The following PPP2R2B variants were observed in gnomAD, a reference collection of about 807,000 sequenced individuals.
The protein encoded by PPP2R2B is serine/threonine-protein phosphatase 2A 55 kDa regulatory subunit B beta isoform.
Under a neutral mutation model 46.0 loss-of-function variants are expected in PPP2R2B, and 5 were observed. That is an observed-to-expected ratio of 0.11 (90% CI 0.06 to 0.23). PPP2R2B has a LOEUF of 0.23. Ranked by LOEUF, PPP2R2B falls within the 10% of genes least tolerant of loss-of-function variation. PPP2R2B has a pLI of 1.00. For synonymous variants in PPP2R2B, 215 were observed against 206.7 expected (o/e 1.04, Z -0.34); for missense variants, 367 against 575.0 (o/e 0.64, Z 3.70).
At chr5:146,977,839 C>A (rs540443374) in intron 1 of PPP2R2B, among the ~76,000 whole-genome samples, 1 of 152,076 alleles carries the variant, frequency 6.6e-6, no homozygotes, top group Non-Finnish European at 1.5e-5. Flanking sequence ...TAAACATACA[C>A]GTACATGTGT....
chr5:146,653,677 G>A (rs1776136534), intron 5 of PPP2R2B, among the ~76,000 whole-genome samples: 1 of 152,168 alleles, frequency 6.6e-6, no homozygotes, highest in Non-Finnish European at 1.5e-5. Context: ...ATGCAGCCAG[G>A]AACAAGAGGC....
intron 1 of PPP2R2B, among the ~76,000 whole-genome samples, chr5:146,950,702 A>G (rs1028095330): frequency 6.6e-6 from 1 of 152,042 alleles, no homozygotes; most frequent in African/African-American, 2.4e-5. Flanking sequence ...CTAACATCAC[A>G]GGTTGTATGC....
intron 2 of PPP2R2B, among the ~76,000 whole-genome samples, chr5:146,762,774 A>G (rs1754242178): frequency 6.6e-6 from 1 of 152,186 alleles, no homozygotes; most frequent in South Asian, 2.1e-4. Flanking sequence ...AAGTAATTAT[A>G]ATGCAGTGTA....
intron 1 of PPP2R2B, among the ~76,000 whole-genome samples, chr5:146,957,172 G>A (rs1476898239): frequency 6.6e-6 from 1 of 152,198 alleles, no homozygotes; most frequent in Non-Finnish European, 1.5e-5. Context: ...GCCATCTGGA[G>A]CTGTGAGCTT....
rs1755487277 is a variant in PPP2R2B, at chr5:146,781,131, G to GATATATATATACAT, written c.71-79990_71-79989insATGTATATATATAT. ...TCACTTACATACATAATGCCACCAT[G>GATATATATATACAT]ATATATATATATATATATATATATA... On this transcript the variant is annotated intron_variant, in intron 2 of 9. Transcript: ENST00000394411. Among the ~76,000 whole-genome samples, 7 of 49,462 alleles carry GATATATATATACAT rather than the reference G, an allele frequency of 1.4e-4. 1 individual carries two copies. In the Admixed American group the frequency reaches 1.9e-3, roughly 13 times the overall value. 32.4% of individuals were successfully genotyped at this position (49,462 alleles called of 152,430 possible). A position where few individuals can be genotyped will look rare whatever the true frequency, so the allele number is the denominator to read the frequency against.
chr5:146,589,873 G>T lies in PPP2R2B; in HGVS notation c.*74C>A. On this transcript the variant is annotated 3_prime_UTR_variant, in exon 10 of 10. Transcript: ENST00000394411. ...AATTAAAGTCAATGCATCAAATGAA[G>T]ACCCAAAGAAACATTTAAAAACTTG... The T allele has an allele frequency of 1.4e-6, 2 of 1,408,680 alleles. No homozygotes were observed. Among genetic ancestry groups the T allele is most frequent in the South Asian group, 1.3e-5 (1 of 78,214 alleles). The allele number at this position is 1,408,680 out of a possible 1,614,324, so 87.3% of individuals were successfully genotyped here. A position where few individuals can be genotyped will look rare whatever the true frequency, so the allele number is the denominator to read the frequency against.
At chr5:146,745,686 G>C (rs1753145897) in intron 2 of PPP2R2B, among the ~76,000 whole-genome samples, 1 of 152,182 alleles carries the variant, frequency 6.6e-6, no homozygotes, top group African/African-American at 2.4e-5. Flanking sequence ...GCCAGGTGTG[G>C]TGGTGGCTCA....
At chr5:146,872,382 C>T (rs943436970) in intron 2 of PPP2R2B, among the ~76,000 whole-genome samples, 2 of 152,226 alleles carry the variant, frequency 1.3e-5, no homozygotes, top group Non-Finnish European at 2.9e-5. Context: ...CATCCATATG[C>T]ATTGGAAACA....
At chr5:146,769,392 G>A (rs910609157) in intron 2 of PPP2R2B, among the ~76,000 whole-genome samples, 1 of 152,174 alleles carries the variant, frequency 6.6e-6, no homozygotes, top group Admixed American at 6.5e-5. Flanking sequence ...TTCTGATACA[G>A]GCTAAAGTTT....
intron 1 of PPP2R2B, among the ~76,000 whole-genome samples, chr5:146,984,331 G>C (rs1420138366): frequency 6.6e-6 from 1 of 152,160 alleles, no homozygotes; most frequent in Admixed American, 6.5e-5. Flanking sequence ...ACATGTAAGT[G>C]AGAACATGTA....
chr5:146,959,594 G>T (rs1231186837), intron 1 of PPP2R2B, among the ~76,000 whole-genome samples: 5 of 152,156 alleles, frequency 3.3e-5, no homozygotes, highest in Admixed American at 3.3e-4. Context: ...GGGTTGGGGG[G>T]CAGGAGCTAA....
chr5:146,882,805 G>T (rs1762208422), upstream of PPP2R2B, among the ~76,000 whole-genome samples: 1 of 152,218 alleles, frequency 6.6e-6, no homozygotes, highest in African/African-American at 2.4e-5. Context: ...GTCTTCAAAG[G>T]GGGCAGCAGA....
At chr5:146,648,561 A>G (rs1171469642) in intron 6 of PPP2R2B, among the ~76,000 whole-genome samples, 1 of 152,212 alleles carries the variant, frequency 6.6e-6, no homozygotes, top group African/African-American at 2.4e-5. Flanking sequence ...GAATACAGCA[A>G]TAGTTCATAC....
chr5:146,790,668 C>T (rs1490250363), intron 2 of PPP2R2B, among the ~76,000 whole-genome samples: 3 of 152,218 alleles, frequency 2.0e-5, no homozygotes, highest in African/African-American at 7.2e-5. Context: ...GCAGCATTGC[C>T]TAATATCCCT....
Position 146,835,433 on chromosome 5 carries a change from G to C in PPP2R2B, c.70+42569C>G, listed in dbSNP as rs543794475. ...CACTTCAGCAGGTCAGTTGACCTGG[G>C]CCCCACCCTCATGAAGCATGTTGAG... On this transcript the variant is annotated intron_variant, in intron 2 of 9. Coordinates refer to ENST00000394411, the MANE Select transcript of PPP2R2B (RefSeq NM_181675.4). Among the ~76,000 whole-genome samples the C allele has an allele frequency of 3.9e-5, 6 of 152,160 alleles. No individual in the cohort carries two copies. The South Asian group carries it at 1.2e-3, about 32-fold the overall frequency.
chr5:146,930,622 A>T (rs1179195303), intron 1 of PPP2R2B, among the ~76,000 whole-genome samples: 1 of 152,058 alleles, frequency 6.6e-6, no homozygotes, highest in Non-Finnish European at 1.5e-5. Context: ...ACCATTCACA[A>T]AAAGGGCAGT....
chr5:147,069,702 A>G (rs1757517224), intron 2 of PPP2R2B, among the ~76,000 whole-genome samples: 1 of 151,784 alleles, frequency 6.6e-6, no homozygotes, highest in African/African-American at 2.4e-5. Flanking sequence ...CCTCTTCAGA[A>G]AAGCCTCACA....
At chr5:146,973,106 G>A (rs1216145717) in intron 1 of PPP2R2B, among the ~76,000 whole-genome samples, 1 of 152,116 alleles carries the variant, frequency 6.6e-6, no homozygotes, top group African/African-American at 2.4e-5. Context: ...CTGAGGTTAT[G>A]TTATGTCTTT....
intron 2 of PPP2R2B, among the ~76,000 whole-genome samples, chr5:147,076,691 A>G (rs1425948775): frequency 1.3e-5 from 2 of 152,136 alleles, no homozygotes; most frequent in Admixed American, 6.6e-5. Context: ...TGAGCATTGT[A>G]GTCTTTAGCC....
Sources: allele counts gnomAD v4.1 joint callset (sites outside exome capture counted in the v4.1 genomes callset), GRCh38; gene constraint gnomAD v4.1.1; transcripts MANE v1.5; gene names NCBI Gene and HGNC (gene_info 2026-07-23, HGNC 2026-07-21).